The following TSPAN12 variants were observed in gnomAD, a reference collection of about 807,000 sequenced individuals.
The protein encoded by TSPAN12 is tetraspanin 12.
A neutral mutation model predicts 39.2 loss-of-function variants in TSPAN12; 19 were observed. That is an observed-to-expected ratio of 0.49 (90% confidence interval 0.34 to 0.71). The LOEUF (loss-of-function observed/expected upper bound fraction) is 0.71, where lower values mean the gene tolerates loss of function less well. Among genes scored for constraint, TSPAN12 ranks in the 30% least tolerant of loss-of-function variants. The pLI is 0.01. For synonymous variants in TSPAN12, 119 were observed against 124.8 expected (o/e 0.95, Z 0.31); for missense variants, 314 against 359.9 (o/e 0.87, Z 1.03).
chr7:120,796,517 T>C (rs1360938978), intron 7 of TSPAN12, among the ~76,000 whole-genome samples: 3 of 152,226 alleles, frequency 2.0e-5, no homozygotes, highest in African/African-American at 7.2e-5. Context: ...TCTCATGTCG[T>C]ATCTCAATTT....
At chr7:120,812,977 A>G (rs1050874219) in intron 5 of TSPAN12, among the ~76,000 whole-genome samples, 12 of 152,210 alleles carry the variant, frequency 7.9e-5, no homozygotes, top group African/African-American at 2.9e-4. Context: ...TTTACCTTCT[A>G]AAATAAATAC....
intron 2 of TSPAN12, among the ~76,000 whole-genome samples, chr7:120,850,072 G>A (rs945367624): frequency 6.6e-6 from 1 of 152,200 alleles, no homozygotes; most frequent in Non-Finnish European, 1.5e-5. Flanking sequence ...GAGCAAACAG[G>A]TAACACTATT....
chr7:120,807,907 G>C (rs951295278), intron 6 of TSPAN12, among the ~76,000 whole-genome samples: 2 of 152,000 alleles, frequency 1.3e-5, no homozygotes, highest in Non-Finnish European at 2.9e-5. Context: ...TGCTCTCAAA[G>C]TCATGAGTAT....
intron 3 of TSPAN12, among the ~76,000 whole-genome samples, chr7:120,839,246 CT>C (rs2116467757): frequency 6.6e-6 from 1 of 152,194 alleles, no homozygotes; most frequent in African/African-American, 2.4e-5. Context: ...ACATGGGAGC[CT>C]TTGCTATTTC....
intron 2 of TSPAN12, among the ~76,000 whole-genome samples, chr7:120,842,325 T>C (rs1221865395): frequency 1.3e-5 from 2 of 152,026 alleles, no homozygotes; most frequent in Non-Finnish European, 2.9e-5. Context: ...ACAATTACTA[T>C]GTGCCTTGGA....
At chr7:120,799,655 A>G (rs1793718375) in intron 7 of TSPAN12, among the ~76,000 whole-genome samples, 1 of 103,032 alleles carries the variant, frequency 9.7e-6, no homozygotes, top group African/African-American at 4.1e-5. Context: ...ATATAATTAA[A>G]TATATAAAAA....
chr7:120,835,228 A>C (rs1299798979), intron 4 of TSPAN12, among the ~76,000 whole-genome samples: 1 of 152,198 alleles, frequency 6.6e-6, no homozygotes, highest in Non-Finnish European at 1.5e-5. Context: ...TCTATTAGAG[A>C]CATCAGTAAA....
Position 120,842,636 on chromosome 7 carries a change from AC to A in TSPAN12, c.67-2528del, listed in dbSNP as rs1794599868. 1.3e-4 allele frequency among the ~76,000 whole-genome samples: 20 copies of A among 152,108 alleles called. No individual in the cohort carries two copies. The South Asian group carries it at 4.2e-3, about 32-fold the overall frequency. The stretch of plus-strand genomic sequence containing the variant: ...ATGTTTCACAGAGGGTAAAAACACT[AC>A]CCTACACAGCATGTAGAATTCCTTT... On this transcript the variant is annotated intron_variant, in intron 2 of 7. Coordinates refer to ENST00000222747, the MANE Select transcript of TSPAN12 (RefSeq NM_012338.4).
chr7:120,797,442 T>C (rs1425432914), intron 7 of TSPAN12, among the ~76,000 whole-genome samples: 1 of 152,242 alleles, frequency 6.6e-6, no homozygotes, highest in Non-Finnish European at 1.5e-5. Context: ...GACTAGGTCA[T>C]TGGTCTATGA....
chr7:120,836,735 C>T (rs773564389), intron 4 of TSPAN12, among the ~76,000 whole-genome samples: 2 of 152,232 alleles, frequency 1.3e-5, no homozygotes, highest in Non-Finnish European at 2.9e-5. Flanking sequence ...ATCCCTGCCA[C>T]TTTTGCATTA....
chr7:120,807,979 A>G lies in TSPAN12; in HGVS notation c.469-1287T>C, dbSNP rs544790265. Among the ~76,000 whole-genome samples, 3 of 152,286 alleles carry G rather than the reference A, an allele frequency of 2.0e-5. No homozygotes were observed. In the East Asian group the frequency reaches 5.8e-4, roughly 29 times the overall value. On this transcript the variant is annotated intron_variant, in intron 6 of 7. Coordinates refer to ENST00000222747, the MANE Select transcript of TSPAN12 (RefSeq NM_012338.4). ...TCACATATTTTACATAAGACATTAAATATCCTTAAATAATATATGTAGTAT... is the reference window on the plus strand; with the variant it reads ...TCACATATTTTACATAAGACATTAAGTATCCTTAAATAATATATGTAGTAT...
intron 6 of TSPAN12, among the ~76,000 whole-genome samples, chr7:120,808,346 T>C (rs755462586): frequency 2.0e-5 from 3 of 152,192 alleles, no homozygotes; most frequent in Non-Finnish European, 4.4e-5. Flanking sequence ...CAACAGAAGA[T>C]AATGAATTTA....
chr7:120,830,365 A>G (rs1395714905), intron 4 of TSPAN12, among the ~76,000 whole-genome samples: 2 of 152,140 alleles, frequency 1.3e-5, no homozygotes, highest in Non-Finnish European at 2.9e-5. Flanking sequence ...AAAACAACAA[A>G]GCTGCAGGTA....
In TSPAN12 at chr7:120,787,761, C is replaced by T. The variant is rs1210350251; in HGVS notation, c.*831G>A. On this transcript the variant is annotated 3_prime_UTR_variant, in exon 8 of 8. Transcript: ENST00000222747. ...TTAATACTTCCTAAAGACCAGACTA[C>T]ATTCTGAATAATGATTCCTATGTAT... 3.9e-5 allele frequency: 6 copies of T among 152,220 alleles called. No individual in the cohort carries two copies. The highest frequency in any genetic ancestry group is 1.4e-4 in the African/African-American group (6 of 41,434). 9.4% of individuals were successfully genotyped at this position (152,220 alleles called of 1,614,324 possible).
At chr7:120,817,599 C>A (rs1199395248) in intron 4 of TSPAN12, among the ~76,000 whole-genome samples, 3 of 152,054 alleles carry the variant, frequency 2.0e-5, no homozygotes, top group Non-Finnish European at 2.9e-5. Flanking sequence ...GTGACTTCCA[C>A]AAGAATGTGC....
Position 120,853,493 on chromosome 7 carries a change from T to TAC in TSPAN12, c.66+3203_66+3204dup, listed in dbSNP as rs1554405087. ...GCAGATATATATATATATATATATA[T>TAC]ACACACACATATTTATATTTAGACA... On this transcript the variant is annotated intron_variant, in intron 2 of 7. Coordinates refer to ENST00000222747, the MANE Select transcript of TSPAN12 (RefSeq NM_012338.4). Among the ~76,000 whole-genome samples the TAC allele has an allele frequency of 9.7e-3, 1,419 of 145,888 alleles. 30 individuals are homozygous for TAC. Among genetic ancestry groups the TAC allele is most frequent in the African/African-American group, 0.031 (1,231 of 39,808 alleles).
intron 3 of TSPAN12, among the ~76,000 whole-genome samples, chr7:120,839,650 A>G (rs540547323): frequency 6.6e-6 from 1 of 152,304 alleles, no homozygotes; most frequent in East Asian, 1.9e-4. Flanking sequence ...AAAAAAAATC[A>G]TTGTGGTGTA....
intron 2 of TSPAN12, among the ~76,000 whole-genome samples, chr7:120,855,852 A>T (rs1450436492): frequency 6.6e-6 from 1 of 152,244 alleles, no homozygotes; most frequent in East Asian, 1.9e-4. Flanking sequence ...TAAAATTTGT[A>T]ACAGAAAATT....
chr7:120,833,274 G>A (rs146950230), intron 4 of TSPAN12, among the ~76,000 whole-genome samples: 112 of 152,046 alleles, frequency 7.4e-4, no homozygotes, highest in Non-Finnish European at 1.2e-3. Flanking sequence ...TTAACTTAAG[G>A]ACTTATGACT....
Sources: allele counts gnomAD v4.1 joint callset (sites outside exome capture counted in the v4.1 genomes callset), GRCh38; gene constraint gnomAD v4.1.1; transcripts MANE v1.5; gene names NCBI Gene and HGNC (gene_info 2026-07-23, HGNC 2026-07-21).